KIAA0232: variants seen among roughly 807,000 people sequenced by gnomAD.
KIAA0232 encodes uncharacterized protein KIAA0232.
A neutral mutation model predicts 122.0 loss-of-function variants in KIAA0232; 27 were observed. The ratio of observed to expected loss-of-function variants is 0.22; its 90% CI spans 0.16 to 0.31. The LOEUF is 0.31. Ranked by LOEUF, KIAA0232 falls within the 10% of genes least tolerant of loss-of-function variation. KIAA0232 has a pLI of 1.00. For synonymous variants in KIAA0232, 613 were observed against 587.6 expected (o/e 1.04, Z -0.63); for missense variants, 1,551 against 1,634.2 (o/e 0.95, Z 0.88).
intron 8 of KIAA0232, among the ~76,000 whole-genome samples, chr4:6,876,035 C>T (rs1470507341): frequency 6.6e-6 from 1 of 152,180 alleles, no homozygotes; most frequent in Non-Finnish European, 1.5e-5. Flanking sequence ...AACTACTGGG[C>T]TCGTTGGATT....
chr4:6,861,760 C>T lies in KIAA0232; in HGVS notation c.1378C>T (p.Leu460Phe). 1 of 1,614,146 alleles carries T rather than the reference C, an allele frequency of 6.2e-7. No individual in the cohort carries two copies. Among genetic ancestry groups the T allele is most frequent in the Non-Finnish European group, 8.5e-7 (1 of 1,180,022 alleles). The stretch of plus-strand genomic sequence containing the variant: ...CAACAATAATCTTCATAAAACATAC[C>T]TCGCAGCAGGTACTTTCATTGATGG... The part of the protein sequence containing the change: ...ISNNNLHKTY[L>F]AAGTFIDGHF... The change falls in exon 7 of 10, where the codon CTC (leucine) becomes TTC (phenylalanine). Residue 460 changes from leucine (L) to phenylalanine (F), a missense_variant. Physicochemically the swap from Leu to Phe is conservative, Grantham distance 22. Transcript: ENST00000307659.
At chr4:6,871,056 T>C (rs1263495333) in intron 7 of KIAA0232, among the ~76,000 whole-genome samples, 1 of 152,248 alleles carries the variant, frequency 6.6e-6, no homozygotes, top group Admixed American at 6.5e-5. Context: ...GCTTCCCATC[T>C]AAGTACTTCT....
chr4:6,871,798 G>A, intron 8 of KIAA0232, 116 bp downstream of exon 8: 1 of 677,364 alleles, frequency 1.5e-6, no homozygotes, highest in Non-Finnish European at 2.6e-6. Flanking sequence ...GTTTCTGTGT[G>A]GGTAGCACTT....
intron 5 of KIAA0232, 140 bp downstream of exon 5, chr4:6,857,370 C>T (rs1720621191): frequency 3.4e-6 from 2 of 587,360 alleles, no homozygotes; most frequent in South Asian, 6.1e-5. Flanking sequence ...CTAGGCCAGC[C>T]TCATGCTCCA....
At chr4:6,828,365 C>A (rs558914267) in intron 3 of KIAA0232, among the ~76,000 whole-genome samples, 2 of 152,128 alleles carry the variant, frequency 1.3e-5, no homozygotes, top group African/African-American at 4.8e-5. Flanking sequence ...CACAGCGAGA[C>A]CCTGTCTCTT....
In KIAA0232 at chr4:6,862,558, A is replaced by T; in HGVS notation, c.2176A>T (p.Thr726Ser). Reference sequence around the variant, plus strand: ...AGAAGAAACACGTTCAGACAATGAAACATTAAATATTCAGTTTGAAGAATC... The same window carrying T: ...AGAAGAAACACGTTCAGACAATGAATCATTAAATATTCAGTTTGAAGAATC... ...HSEETRSDNE[T>S]LNIQFEESTQ... The change falls in exon 7 of 10, where the codon ACA becomes TCA. Residue 726 changes from threonine (T) to serine (S), a missense_variant. This residue lies in a region of KIAA0232 where 1,108 missense variants were observed against 1,154.8 expected (regional missense o/e 0.96). Coordinates refer to ENST00000307659, the MANE Select transcript of KIAA0232 (RefSeq NM_014743.3). The T allele has an allele frequency of 6.2e-7, 1 of 1,613,666 alleles. No homozygotes were observed. The highest frequency in any genetic ancestry group is 8.5e-7 in the Non-Finnish European group (1 of 1,179,818).
At chr4:6,809,056 T>C (rs997500575) in intron 2 of KIAA0232, among the ~76,000 whole-genome samples, 3 of 152,192 alleles carry the variant, frequency 2.0e-5, no homozygotes, top group Admixed American at 1.3e-4. Context: ...GGTATGCCCT[T>C]ACATAATTAG....
intron 1 of KIAA0232, among the ~76,000 whole-genome samples, chr4:6,787,562 C>G (rs1288258723): frequency 6.6e-6 from 1 of 152,200 alleles, no homozygotes; most frequent in Non-Finnish European, 1.5e-5. Context: ...GCCTGGAAAC[C>G]TTTAGAGACT....
At chr4:6,868,989 G>A (rs1287273401) in intron 7 of KIAA0232, among the ~76,000 whole-genome samples, 2 of 152,154 alleles carry the variant, frequency 1.3e-5, no homozygotes, top group Non-Finnish European at 2.9e-5. Flanking sequence ...TTGGCCTGGC[G>A]GAAACTTTTC....
chr4:6,798,666 CT>C (rs1560162691), intron 1 of KIAA0232, among the ~76,000 whole-genome samples: 3 of 152,190 alleles, frequency 2.0e-5, no homozygotes, highest in Admixed American at 6.5e-5. Flanking sequence ...AGCCTCCCAC[CT>C]CAACCTTCTG....
At chr4:6,835,206 G>A (rs1263003489) in intron 3 of KIAA0232, among the ~76,000 whole-genome samples, 2 of 152,148 alleles carry the variant, frequency 1.3e-5, no homozygotes, top group Admixed American at 6.5e-5. Context: ...GGTTGGCTGG[G>A]TCCCTCAAAG....
At chr4:6,846,648 G>T (rs964323108) in intron 4 of KIAA0232, among the ~76,000 whole-genome samples, 21 of 151,930 alleles carry the variant, frequency 1.4e-4, no homozygotes, top group Admixed American at 6.6e-4. Context: ...CTGGCCTCTT[G>T]GGGAGCCAAT....
intron 1 of KIAA0232, among the ~76,000 whole-genome samples, chr4:6,799,416 A>T (rs867354358): frequency 1.3e-5 from 2 of 151,722 alleles, no homozygotes; most frequent in South Asian, 2.1e-4. Flanking sequence ...TTCAGTCCAC[A>T]GCAGGTGTTA....
chr4:6,881,026 A>T lies in KIAA0232; in HGVS notation c.*60A>T. ...GATATGTGATGGAAAATTACTCTTC[A>T]GTGAGACCTGTTAATCTAAAACAAC... On this transcript the variant is annotated 3_prime_UTR_variant, in exon 10 of 10. Transcript: ENST00000307659. 1 of 1,216,448 alleles carries T rather than the reference A, an allele frequency of 8.2e-7. No individual in the cohort carries two copies. The highest frequency in any genetic ancestry group is 2.4e-5 in the South Asian group (1 of 41,492). 75.4% of individuals were successfully genotyped at this position (1,216,448 alleles called of 1,614,324 possible). A position where few individuals can be genotyped will look rare whatever the true frequency, so the allele number is the denominator to read the frequency against.
At chr4:6,864,663 C>T (rs1048411424) in intron 7 of KIAA0232, among the ~76,000 whole-genome samples, 3 of 140,918 alleles carry the variant, frequency 2.1e-5, no homozygotes, top group East Asian at 2.1e-4. Flanking sequence ...CACTTGAACC[C>T]GAGAGGCAAA....
intron 4 of KIAA0232, among the ~76,000 whole-genome samples, chr4:6,842,545 A>G (rs1719718780): frequency 6.6e-6 from 1 of 150,654 alleles, no homozygotes. Context: ...GTATAATATT[A>G]TAATATAATC....
chr4:6,855,310 ACTC>A lies in KIAA0232; in HGVS notation c.370-1851_370-1849del. On this transcript the variant is annotated intron_variant, in intron 4 of 9. Coordinates refer to ENST00000307659, the MANE Select transcript of KIAA0232 (RefSeq NM_014743.3). The surrounding 1 kb of genome is among the most constrained non-coding windows in gnomAD (Gnocchi z 4.3). The stretch of plus-strand genomic sequence containing the variant: ...ACCATGTTCGCCAGGCTAGTCTTGA[ACTC>A]CTGACCTCAAGTGATCCACCCACCT... 6.6e-6 allele frequency among the ~76,000 whole-genome samples: 1 copy of A among 151,014 alleles called. No homozygotes were observed. Among genetic ancestry groups the A allele is most frequent in the African/African-American group, 2.4e-5 (1 of 41,026 alleles).
At chr4:6,808,616 A>G (rs1717742929) in intron 2 of KIAA0232, among the ~76,000 whole-genome samples, 1 of 151,756 alleles carries the variant, frequency 6.6e-6, no homozygotes, top group African/African-American at 2.4e-5. Context: ...TATCACTGAC[A>G]CCAGGCACAG....
chr4:6,800,472 A>G lies in KIAA0232; in HGVS notation c.-353-4051A>G, dbSNP rs370507823. 4.1e-4 allele frequency among the ~76,000 whole-genome samples: 62 copies of G among 150,972 alleles called. No homozygotes were observed. The South Asian group carries it at 0.012, about 30-fold the overall frequency. On this transcript the variant is annotated intron_variant, in intron 1 of 9. Coordinates refer to ENST00000307659, the MANE Select transcript of KIAA0232 (RefSeq NM_014743.3). ...CAAGGCAGGCGGATCACCTGAGGTC[A>G]GGAGTTCGAGACCAGCCTGACCAAC...
Sources: gnomAD v4.1 joint callset for allele counts (sites outside exome capture counted in the v4.1 genomes callset) on GRCh38, gnomAD v4.1.1 for gene constraint, gnomAD v4.1.1 regional missense constraint, Gnocchi (gnomAD v3.1) non-coding constraint, MANE v1.5 for transcripts, NCBI Gene and HGNC (gene_info 2026-07-23, HGNC 2026-07-21) for gene names.